Variants in NYNRIN observed in about 807,000 individuals in gnomAD.
The protein encoded by NYNRIN is NYN domain and retroviral integrase containing.
NYNRIN carries 86 observed loss-of-function variants against 146.6 expected under a neutral mutation model. The observed-to-expected ratio is 0.59, with a 90% confidence interval of 0.49 to 0.70. NYNRIN has a LOEUF of 0.70. Among genes scored for constraint, NYNRIN ranks in the 30% least tolerant of loss-of-function variants. The pLI is 0.00. For synonymous variants in NYNRIN, 1,027 were observed against 1,001.3 expected (o/e 1.03, Z -0.48); for missense variants, 2,191 against 2,377.7 (o/e 0.92, Z 1.63).
At position 24,416,843 on chromosome 14, in the gene NYNRIN, A is replaced by C. The variant is rs774191906; in HGVS notation, c.5094A>C (p.Gly1698=). ...HVLVSCGLAL[G]AQVASLSRDL... ...TTGTGAGCTGTGGGCTGGCCCTGGG[A>C]GCCCAGGTGGCCTCCCTGAGTCGGG... Residue 1698 remains glycine (G), a synonymous_variant, in exon 9 of 9, where the codon GGA becomes GGC. Coordinates refer to ENST00000382554, the MANE Select transcript of NYNRIN (RefSeq NM_025081.3). 3.1e-6 allele frequency: 5 copies of C among 1,609,282 alleles called. No homozygotes were observed. Among genetic ancestry groups the C allele is most frequent in the Admixed American group, 1.7e-5 (1 of 59,684 alleles).
At chr14:24,405,634 C>T (rs948559088) in intron 2 of NYNRIN, among the ~76,000 whole-genome samples, 3 of 152,178 alleles carry the variant, frequency 2.0e-5, no homozygotes, top group African/African-American at 7.2e-5. Flanking sequence ...ATGGTGAAGA[C>T]CCCCGACTGT....
At position 24,415,568 on chromosome 14, in the gene NYNRIN, C is replaced by T. The variant is rs1326229638; in HGVS notation, c.3819C>T (p.Ala1273=). The T allele has an allele frequency of 3.1e-6, 5 of 1,613,800 alleles. No homozygotes were observed. Among genetic ancestry groups the T allele is most frequent in the Non-Finnish European group, 4.2e-6 (5 of 1,179,866 alleles). ...AAGGCAAGAGGGCCCTGGAATTGGC[C>T]CTCCTCCAGGGCCTGCTGGGGGAGA... The part of the protein sequence containing the change: ...QDKGKRALEL[A]LLQGLLGENR... Residue 1273 remains alanine, a synonymous_variant, in exon 9 of 9, where the codon GCC becomes GCT. Transcript: ENST00000382554.
At position 24,415,146 on chromosome 14, in the gene NYNRIN, G is replaced by A; in HGVS notation, c.3397G>A (p.Glu1133Lys). ...KQKPDWQWDQ[E>K]HEEAFLALKR... The stretch of plus-strand genomic sequence containing the variant: ...GAAGCCTGACTGGCAGTGGGACCAG[G>A]AGCATGAGGAGGCCTTCCTGGCCCT... The change falls in exon 9 of 9, where the codon GAG (glutamate) becomes AAG (lysine). Residue 1133 changes from glutamate to lysine, a missense_variant. Transcript: ENST00000382554. The A allele has an allele frequency of 1.2e-6, 2 of 1,605,764 alleles. No individual in the cohort carries two copies. Among genetic ancestry groups the A allele is most frequent in the Non-Finnish European group, 8.5e-7 (1 of 1,179,024 alleles).
In NYNRIN at chr14:24,407,344, C is replaced by T. The variant is rs557230116; in HGVS notation, c.199-525C>T. 2.6e-5 allele frequency among the ~76,000 whole-genome samples: 4 copies of T among 152,280 alleles called. No individual in the cohort carries two copies. The South Asian group carries it at 6.2e-4, about 24-fold the overall frequency. On this transcript the variant is annotated intron_variant, in intron 2 of 8. Transcript: ENST00000382554. ...AGGAACTATTACTGTTCCCATTTTA[C>T]AGAGGAGGAACTGCAGGCACGGGGG...
chr14:24,407,750 G>T, intron 2 of NYNRIN, 119 bp from the exon 3 acceptor site: 1 of 894,004 alleles, frequency 1.1e-6, no homozygotes, highest in South Asian at 1.7e-5. Flanking sequence ...TGGTGGATGG[G>T]GGGTGGTAGT....
At position 24,408,423 on chromosome 14, in the gene NYNRIN, G is replaced by T; in HGVS notation, c.753G>T (p.Gln251His). 1.2e-6 allele frequency: 2 copies of T among 1,613,478 alleles called. No individual in the cohort carries two copies. Among genetic ancestry groups the T allele is most frequent in the South Asian group, 1.1e-5 (1 of 91,074 alleles). The change falls in exon 3 of 9, where the codon CAG becomes CAT. Residue 251 changes from glutamine to histidine, a missense_variant. Gln to His is a conservative substitution (Grantham distance 24). Around this residue, in one of 3 missense-constraint regions of NYNRIN, gnomAD observed 895 missense variants for 941.2 expected, o/e 0.95. Coordinates refer to ENST00000382554, the MANE Select transcript of NYNRIN (RefSeq NM_025081.3). ...PGPFVDMGTL[Q>H]NRGPENSKRL... The stretch of plus-strand genomic sequence containing the variant: ...CCTTTGTGGACATGGGGACCCTCCA[G>T]AACAGGGGCCCAGAAAATTCAAAGA...
At position 24,414,930 on chromosome 14, in the gene NYNRIN, G is replaced by C. The variant is rs756361954; in HGVS notation, c.3181G>C (p.Ala1061Pro). ...ALDIDLLPGA[A>P]SPYLGIPWDG... ...GGACATCGACCTCCTGCCAGGGGCA[G>C]CTTCTCCCTACCTGGGCATCCCCTG... Residue 1061 changes from alanine to proline, a missense_variant, in exon 9 of 9, where the codon GCT (alanine) becomes CCT (proline). Coordinates refer to ENST00000382554, the MANE Select transcript of NYNRIN (RefSeq NM_025081.3). 1.2e-6 allele frequency: 2 copies of C among 1,600,430 alleles called. No homozygotes were observed. The highest frequency in any genetic ancestry group is 1.1e-5 in the South Asian group (1 of 90,352).
At chr14:24,403,933 G>T (rs754353329) in intron 2 of NYNRIN, among the ~76,000 whole-genome samples, 1 of 152,184 alleles carries the variant, frequency 6.6e-6, no homozygotes. Context: ...ATTTGGAGGA[G>T]CCTGAAGCTG....
chr14:24,404,762 T>C (rs1268863702), intron 2 of NYNRIN, among the ~76,000 whole-genome samples: 1 of 152,206 alleles, frequency 6.6e-6, no homozygotes, highest in Non-Finnish European at 1.5e-5. Flanking sequence ...CCTGCTTCCC[T>C]GGCCTGGAGG....
chr14:24,399,275 C>G lies in NYNRIN; in HGVS notation c.29C>G (p.Ala10Gly), dbSNP rs2042824789. MLLSGGDPP[A>G]QEWFMVQTKS... ...CTCCTGTCTGGGGGCGATCCTCCGG[C>G]GCAGGAATGGTTCATGGTGCAGACA... Residue 10 changes from alanine (A) to glycine (G), a missense_variant, in exon 2 of 9, where the codon GCG (alanine) becomes GGG (glycine). By Grantham distance (60) the Ala-to-Gly change is moderately conservative (BLOSUM62 0). Transcript: ENST00000382554. 1.2e-6 allele frequency: 2 copies of G among 1,613,768 alleles called. No individual in the cohort carries two copies. Among genetic ancestry groups the G allele is most frequent in the South Asian group, 2.2e-5 (2 of 91,076 alleles).
chr14:24,413,510 G>T, intron 8 of NYNRIN, 93 bp downstream of exon 8: 2 of 754,776 alleles, frequency 2.6e-6, no homozygotes, highest in South Asian at 4.1e-5. Flanking sequence ...GCGTAATAAT[G>T]ATCAGAGTGA....
At chr14:24,413,271 G>C in intron 7 of NYNRIN, 45 bp from the exon 8 acceptor site, 1 of 1,564,194 alleles carries the variant, frequency 6.4e-7, no homozygotes, top group Non-Finnish European at 8.7e-7. Context: ...GTGTGGGTGG[G>C]TCAAGGGCTC....
rs769144777 is a variant in NYNRIN, at chr14:24,416,371, G to A, written c.4622G>A (p.Arg1541Gln). Residue 1541 changes from arginine to glutamine, a missense_variant, in exon 9 of 9, where the codon CGG becomes CAG. By Grantham distance (43) the Arg-to-Gln change is conservative. This residue lies in a region of NYNRIN where 1,291 missense variants were observed against 1,417.0 expected (regional missense o/e 0.91). Transcript: ENST00000382554. Reference protein sequence around the residue: ...PRVWVVPTQLRRDLIFSVHDI... With the variant: ...PRVWVVPTQLQRDLIFSVHDI... ...GTCTGGGTAGTCCCGACGCAACTCC[G>A]GAGGGATCTGATTTTCTCTGTGCAT... is the stretch of plus-strand genomic sequence containing the variant. 8.7e-6 allele frequency: 14 copies of A among 1,613,078 alleles called. No individual in the cohort carries two copies. The highest frequency in any genetic ancestry group is 1.6e-4 in the Middle Eastern group (1 of 6,062).
At chr14:24,410,669 A>G (rs1036034409) in intron 4 of NYNRIN, among the ~76,000 whole-genome samples, 4 of 152,190 alleles carry the variant, frequency 2.6e-5, no homozygotes, top group South Asian at 2.1e-4. Context: ...TAGAGGTGTT[A>G]GCATAAACAT....
intron 2 of NYNRIN, among the ~76,000 whole-genome samples, chr14:24,406,115 T>C (rs750956196): frequency 4.0e-5 from 6 of 151,748 alleles, no homozygotes; most frequent in Admixed American, 6.6e-5. Flanking sequence ...TGAGCTGAGA[T>C]CACTCCAGTG....
Position 24,415,542 on chromosome 14 carries a change from AAAG to A in NYNRIN, c.3794_3796del (p.Lys1265_Gly1266delinsSer). The A allele has an allele frequency of 6.2e-7, 1 of 1,613,860 alleles. No individual in the cohort carries two copies. The highest frequency in any genetic ancestry group is 8.5e-7 in the Non-Finnish European group (1 of 1,179,818). ...CCGATGGTCCCTCTTGGTTCAGGAC[AAAG>A]GCAAGAGGGCCCTGGAATTGGCCCT... On this transcript the variant is annotated inframe_deletion, in exon 9 of 9. Coordinates refer to ENST00000382554, the MANE Select transcript of NYNRIN (RefSeq NM_025081.3).
chr14:24,417,020 G>A lies in NYNRIN; in HGVS notation c.5271G>A (p.Pro1757=), dbSNP rs368739121. The change falls in exon 9 of 9, where the codon CCG becomes CCA. Residue 1757 remains proline (P), a synonymous_variant. Transcript: ENST00000382554. ...AFRASSTDAT[P]FKVLTGGESR... is the part of the protein sequence containing the mutation. ...GGGCCTCCTCCACTGATGCCACACC[G>A]TTCAAGGTCCTGACCGGGGGTGAGT... 2.7e-5 allele frequency: 44 copies of A among 1,605,432 alleles called. No homozygotes were observed. Among genetic ancestry groups the A allele is most frequent in the Middle Eastern group, 3.3e-4 (2 of 6,022 alleles).
chr14:24,412,755 G>C, intron 6 of NYNRIN: 2 of 418,792 alleles, frequency 4.8e-6, no homozygotes, highest in South Asian at 2.5e-5. Context: ...GTGTGTGTTT[G>C]TATATACAGC....
chr14:24,403,916 G>A (rs1336230306), intron 2 of NYNRIN, among the ~76,000 whole-genome samples: 1 of 152,190 alleles, frequency 6.6e-6, no homozygotes, highest in Non-Finnish European at 1.5e-5. Context: ...TGTGAGGGTT[G>A]TGCTCCATTT....
Sources: gnomAD v4.1 joint callset for allele counts (sites outside exome capture counted in the v4.1 genomes callset) on GRCh38, gnomAD v4.1.1 for gene constraint, gnomAD v4.1.1 regional missense constraint, MANE v1.5 for transcripts, NCBI Gene and HGNC (gene_info 2026-07-23, HGNC 2026-07-21) for gene names.